Variants in FGD4 observed in about 807,000 individuals in gnomAD.
FGD4 encodes FYVE, RhoGEF and PH domain-containing protein 4.
Under a neutral mutation model 102.0 loss-of-function variants are expected in FGD4, and 42 were observed. That is an observed-to-expected ratio of 0.41 (90% CI 0.32 to 0.53). The LOEUF is 0.53. FGD4 is among the 20% of genes least tolerant of loss of function. The probability of loss-of-function intolerance (pLI) is 0.21; values close to 1 mark genes in which losing one functional copy is unlikely to be tolerated. For missense variants in FGD4, 902 were observed against 1,078.2 expected, an observed-to-expected ratio of 0.84 and a Z score of 2.29; for synonymous variants, 380 against 375.7, an observed-to-expected ratio of 1.01 and a Z score of -0.13.
At chr12:32,565,489 G>A (rs929270824) in intron 2 of FGD4, among the ~76,000 whole-genome samples, 8 of 151,952 alleles carry the variant, frequency 5.3e-5, no homozygotes, top group African/African-American at 1.7e-4. Context: ...ATTCCATTTC[G>A]CCCATTAGAC....
intron 1 of FGD4, among the ~76,000 whole-genome samples, chr12:32,514,045 C>T (rs981338069): frequency 6.6e-6 from 1 of 152,158 alleles, no homozygotes; most frequent in Non-Finnish European, 1.5e-5. Flanking sequence ...TCTCTTCATA[C>T]ATCACACTTC....
intron 1 of FGD4, among the ~76,000 whole-genome samples, chr12:32,466,225 C>T (rs1943249531): frequency 6.6e-6 from 1 of 152,128 alleles, no homozygotes; most frequent in East Asian, 1.9e-4. Flanking sequence ...TTGAGATATT[C>T]ACTTTGTTTT....
At chr12:32,597,219 G>A (rs561898034) in intron 4 of FGD4, among the ~76,000 whole-genome samples, 2 of 152,104 alleles carry the variant, frequency 1.3e-5, no homozygotes, top group Non-Finnish European at 1.5e-5. Context: ...GTAAATTCAC[G>A]CCACAAAATA....
chr12:32,520,435 T>TG (rs112586033), intron 1 of FGD4, among the ~76,000 whole-genome samples: 20,538 of 140,706 alleles, frequency 0.15, 1,815 homozygotes, highest in African/African-American at 0.25. Flanking sequence ...GTTTTTTTGT[T>TG]TTTTGTTTTT....
At chr12:32,489,711 C>T (rs1944025952) in intron 1 of FGD4, among the ~76,000 whole-genome samples, 1 of 152,120 alleles carries the variant, frequency 6.6e-6, no homozygotes, top group African/African-American at 2.4e-5. Context: ...GTTATATACA[C>T]ATTATTCCTG....
Position 32,644,190 on chromosome 12 carries a change from A to G in FGD4, c.*3657A>G, listed in dbSNP as rs541265513. ...TTGTATTCTCCAAGAATGTATTAGT[A>G]TATGAACTGTGGCCAACCAGTTCCT... is the stretch of plus-strand genomic sequence containing the variant. On this transcript the variant is annotated 3_prime_UTR_variant, in exon 17 of 17. Transcript: ENST00000534526. 4 of 152,302 alleles carry G rather than the reference A, an allele frequency of 2.6e-5. 1 individual carries two copies. Among genetic ancestry groups the G allele is most frequent in the African/African-American group, 9.6e-5 (4 of 41,584 alleles). The allele number at this position is 152,302 out of a possible 1,614,324, so 9.4% of individuals were successfully genotyped here.
chr12:32,410,439 C>T (rs1941156810), intron 1 of FGD4, among the ~76,000 whole-genome samples: 1 of 151,628 alleles, frequency 6.6e-6, no homozygotes, highest in Non-Finnish European at 1.5e-5. Flanking sequence ...GACCTGTGAT[C>T]ACACCACTGT....
At chr12:32,429,329 C>T (rs1591882837) in intron 1 of FGD4, among the ~76,000 whole-genome samples, 1 of 152,228 alleles carries the variant, frequency 6.6e-6, no homozygotes, top group African/African-American at 2.4e-5. Flanking sequence ...ATTCCAGACC[C>T]TGTTTGCCTG....
chr12:32,605,176 T>TA (rs1031205727), intron 7 of FGD4, among the ~76,000 whole-genome samples: 3 of 130,982 alleles, frequency 2.3e-5, no homozygotes, highest in African/African-American at 1.4e-4. Context: ...TGGCCTCAAA[T>TA]GATTCCCCCG....
intron 1 of FGD4, among the ~76,000 whole-genome samples, chr12:32,538,908 GCTGGGCGTGGTGGCACGCAC>G (rs1390739641): frequency 6.6e-6 from 1 of 152,160 alleles, no homozygotes; most frequent in Non-Finnish European, 1.5e-5. Context: ...CAAAAAATCA[GCTGGGCGTGGTGGCACGCAC>G]CTGTAGTCCC....
intron 1 of FGD4, among the ~76,000 whole-genome samples, chr12:32,527,357 T>A (rs1941357042): frequency 2.0e-5 from 3 of 151,932 alleles, no homozygotes; most frequent in African/African-American, 7.3e-5. Flanking sequence ...GATGGTGAGC[T>A]CCCTTTGCAG....
At chr12:32,581,866 G>A (rs907270221) in intron 3 of FGD4, 94 bp from the exon 4 acceptor site, 3 of 1,387,578 alleles carry the variant, frequency 2.2e-6, no homozygotes, top group African/African-American at 1.5e-5. Context: ...AAAAAAAGTA[G>A]CGAATATCCC....
chr12:32,583,492 G>A (rs1266494377), intron 4 of FGD4, among the ~76,000 whole-genome samples: 1 of 152,130 alleles, frequency 6.6e-6, no homozygotes, highest in Non-Finnish European at 1.5e-5. Context: ...TTGTGTCCCT[G>A]AAGCAACACA....
chr12:32,484,441 G>A (rs539808478), intron 1 of FGD4, among the ~76,000 whole-genome samples: 7 of 152,278 alleles, frequency 4.6e-5, no homozygotes, highest in African/African-American at 1.2e-4. Context: ...CTGAGTCTAG[G>A]TATTATGGTT....
At chr12:32,478,366 G>C (rs1943637699) in intron 1 of FGD4, among the ~76,000 whole-genome samples, 1 of 152,156 alleles carries the variant, frequency 6.6e-6, no homozygotes, top group Non-Finnish European at 1.5e-5. Flanking sequence ...CCAGATTAAA[G>C]CAATTGTCAC....
intron 1 of FGD4, among the ~76,000 whole-genome samples, chr12:32,448,706 G>A (rs1942691238): frequency 6.8e-6 from 1 of 147,284 alleles, no homozygotes; most frequent in South Asian, 2.1e-4. Context: ...ACTTGAGGTA[G>A]GAATGTGTGT....
chr12:32,417,139 C>A (rs1196562478), intron 1 of FGD4, among the ~76,000 whole-genome samples: 1 of 151,946 alleles, frequency 6.6e-6, no homozygotes, highest in Admixed American at 6.6e-5. Flanking sequence ...CGTGATCCAC[C>A]CACCTCGTCC....
At chr12:32,512,304 G>A (rs1939456416) in intron 1 of FGD4, among the ~76,000 whole-genome samples, 1 of 152,066 alleles carries the variant, frequency 6.6e-6, no homozygotes, top group Admixed American at 6.6e-5. Flanking sequence ...AAAATTAGCT[G>A]GGCATGGTGG....
chr12:32,411,165 T>G (rs1464796406), intron 1 of FGD4, among the ~76,000 whole-genome samples: 4 of 151,130 alleles, frequency 2.6e-5, no homozygotes, highest in Admixed American at 6.6e-5. Flanking sequence ...CTGACCTCAG[T>G]CAATCCACCC....
Sources: allele counts gnomAD v4.1 joint callset (sites outside exome capture counted in the v4.1 genomes callset), GRCh38; gene constraint gnomAD v4.1.1; transcripts MANE v1.5; gene names NCBI Gene and HGNC (gene_info 2026-07-23, HGNC 2026-07-21).